The following PIP5K1C variants were observed in gnomAD, a reference collection of about 807,000 sequenced individuals.
PIP5K1C encodes the protein phosphatidylinositol 4-phosphate 5-kinase type-1 gamma.
PIP5K1C carries 45 observed loss-of-function variants against 80.1 expected under a neutral mutation model. That is an observed-to-expected ratio of 0.56 (90% confidence interval 0.44 to 0.72). The LOEUF is 0.72. Ranked by LOEUF, PIP5K1C falls within the 30% of genes least tolerant of loss-of-function variation. The probability of loss-of-function intolerance (pLI) is 0.00; values close to 1 mark genes in which losing one functional copy is unlikely to be tolerated. For missense variants in PIP5K1C, 753 were observed against 954.6 expected, an observed-to-expected ratio of 0.79 and a Z score of 2.78; for synonymous variants, 498 against 420.1, an observed-to-expected ratio of 1.19 and a Z score of -2.27.
At chr19:3,661,184 GCGGCTCAGCTCCA>G in intron 4 of PIP5K1C, 101 bp from the exon 5 acceptor site, 3 of 762,162 alleles carry the variant, frequency 3.9e-6, no homozygotes, top group Non-Finnish European at 6.8e-6. Flanking sequence ...TGAGCCTCTA[GCGGCTCAGCTCCA>G]AGACTTCCTT....
chr19:3,686,595 G>A (rs1035943068), intron 1 of PIP5K1C, among the ~76,000 whole-genome samples: 3 of 151,802 alleles, frequency 2.0e-5, no homozygotes, highest in African/African-American at 7.3e-5. Flanking sequence ...GCGGGCGCCT[G>A]TAATCCCAGC....
chr19:3,647,818 G>A (rs900618422), intron 9 of PIP5K1C, among the ~76,000 whole-genome samples: 3 of 152,182 alleles, frequency 2.0e-5, no homozygotes, highest in Non-Finnish European at 4.4e-5. Flanking sequence ...GTGCTGGCGC[G>A]TGCCAGTAAT....
intron 11 of PIP5K1C, among the ~76,000 whole-genome samples, chr19:3,644,670 G>A (rs541899256): frequency 1.1e-4 from 17 of 152,370 alleles, no homozygotes; most frequent in Middle Eastern, 3.4e-3. Flanking sequence ...AGAGAAGCCT[G>A]TGGCTCAGCA....
At chr19:3,634,801 C>T (rs370544119) in intron 16 of PIP5K1C, among the ~76,000 whole-genome samples, 1 of 152,258 alleles carries the variant, frequency 6.6e-6, no homozygotes, top group African/African-American at 2.4e-5. Context: ...CCACCCTGCC[C>T]GATCCTACAG....
At chr19:3,638,217 G>A (rs2033789184) in intron 16 of PIP5K1C, among the ~76,000 whole-genome samples, 1 of 152,170 alleles carries the variant, frequency 6.6e-6, no homozygotes, top group Non-Finnish European at 1.5e-5. Context: ...GACGCTGCCT[G>A]GACATTCCAG....
chr19:3,632,945 G>A lies in PIP5K1C; in HGVS notation c.*222C>T, dbSNP rs1226948688. ...CAAATGCGATTGGCCGCTCGGGAGG[G>A]TGGGTCTCACAGGGGCAGGCTGCCG... On this transcript the variant is annotated 3_prime_UTR_variant, in exon 18 of 18. Coordinates refer to ENST00000335312, the MANE Select transcript of PIP5K1C (RefSeq NM_012398.3). 1.9e-6 allele frequency: 1 copy of A among 532,230 alleles called. No homozygotes were observed. The highest frequency in any genetic ancestry group is 2.0e-5 in the African/African-American group (1 of 49,782). The allele number at this position is 532,230 out of a possible 1,614,324, so 33.0% of individuals were successfully genotyped here.
Position 3,700,298 on chromosome 19 carries a change from T to A in PIP5K1C, c.93A>T (p.Ala31=). The A allele has an allele frequency of 7.8e-7, 1 of 1,274,006 alleles. No homozygotes were observed. Among genetic ancestry groups the A allele is most frequent in the Non-Finnish European group, 1.0e-6 (1 of 993,310 alleles). The allele number at this position is 1,274,006 out of a possible 1,614,324, so 78.9% of individuals were successfully genotyped here. Reference sequence around the variant, plus strand: ...AGCCCCGGGAGGCCGGGCCGTTACCTGCCGCCGCCCCGCTCTCTGCCGCCC... The same window carrying A: ...AGCCCCGGGAGGCCGGGCCGTTACCAGCCGCCGCCCCGCTCTCTGCCGCCC... ...AAWAAESGAA[A]GLAQKKAAPT... The change falls in exon 1 of 18, where the codon GCA becomes GCT. Residue 31 remains alanine, a splice_region_variant and synonymous_variant. Transcript: ENST00000335312.
chr19:3,656,697 G>A (rs906190070), intron 5 of PIP5K1C, 140 bp from the exon 6 acceptor site: 2 of 995,158 alleles, frequency 2.0e-6, no homozygotes, highest in African/African-American at 3.2e-5. Context: ...GCTCAGAGAG[G>A]GCGAGAGACT....
intron 1 of PIP5K1C, among the ~76,000 whole-genome samples, chr19:3,672,085 T>C (rs533085294): frequency 6.6e-6 from 1 of 152,262 alleles, no homozygotes; most frequent in Non-Finnish European, 1.5e-5. Flanking sequence ...GGGCCTGCGG[T>C]GCACGGCTCT....
At chr19:3,684,713 A>T (rs1289330410) in intron 1 of PIP5K1C, among the ~76,000 whole-genome samples, 1 of 152,206 alleles carries the variant, frequency 6.6e-6, no homozygotes, top group Non-Finnish European at 1.5e-5. Context: ...GAATCCCACC[A>T]CAGACGCACC....
intron 1 of PIP5K1C, among the ~76,000 whole-genome samples, chr19:3,691,885 G>C (rs1301487768): frequency 3.3e-5 from 5 of 152,198 alleles, no homozygotes; most frequent in Non-Finnish European, 5.9e-5. Flanking sequence ...GAGTGGGGAT[G>C]TTTGTTTTAG....
At chr19:3,686,896 A>C (rs1337429407) in intron 1 of PIP5K1C, among the ~76,000 whole-genome samples, 1 of 151,854 alleles carries the variant, frequency 6.6e-6, no homozygotes, top group African/African-American at 2.4e-5. Flanking sequence ...GCAAGCAAAG[A>C]AAAAAACAGA....
In PIP5K1C at chr19:3,653,503, C is replaced by T; in HGVS notation, c.708G>A (p.Val236=). The change falls in exon 7 of 18, where the codon GTG becomes GTA. Residue 236 remains valine, a synonymous_variant. Transcript: ENST00000335312. ...CGCGGGGCAGGATGTTGTTCATGAC[C>T]ACGACGCGGATGTTCTTGCCCCCCG... ...VQSGGKNIRV[V]VMNNILPRVV... is the part of the protein sequence containing the mutation. 1 of 1,613,844 alleles carries T rather than the reference C, an allele frequency of 6.2e-7. No homozygotes were observed. Among genetic ancestry groups the T allele is most frequent in the Non-Finnish European group, 8.5e-7 (1 of 1,180,024 alleles).
chr19:3,675,118 C>T (rs775752895), intron 1 of PIP5K1C, among the ~76,000 whole-genome samples: 5 of 152,078 alleles, frequency 3.3e-5, no homozygotes, highest in South Asian at 2.1e-4. Flanking sequence ...AGCCGCCAGG[C>T]GCAGGGTTTG....
At chr19:3,643,944 C>A in intron 12 of PIP5K1C, 143 bp downstream of exon 12, 2 of 996,268 alleles carry the variant, frequency 2.0e-6, no homozygotes, top group Admixed American at 2.3e-5. Context: ...CCAGCAGCCC[C>A]CACTCCCTGG....
At chr19:3,653,616 GAGGGCGGCTGGGCCAC>G (rs751979369) in intron 6 of PIP5K1C, 27 bp from the exon 7 acceptor site, 1 of 1,592,588 alleles carries the variant, frequency 6.3e-7, no homozygotes, top group Non-Finnish European at 8.6e-7. Context: ...GCAAGTCGTG[GAGGGCGGCTGGGCCAC>G]AGACTCACGG....
chr19:3,667,161 T>G (rs1439335302), intron 2 of PIP5K1C, among the ~76,000 whole-genome samples, 161 bp downstream of exon 2: 1 of 152,192 alleles, frequency 6.6e-6, no homozygotes, highest in African/African-American at 2.4e-5. Context: ...CAAGACGCAG[T>G]TGGTGTAGAC....
At position 3,634,702 on chromosome 19, in the gene PIP5K1C, G is replaced by A. The variant is rs562144072; in HGVS notation, c.1921-1182C>T. Among the ~76,000 whole-genome samples, 5 of 152,350 alleles carry A rather than the reference G, an allele frequency of 3.3e-5. No homozygotes were observed. The South Asian group carries it at 6.2e-4, about 19-fold the overall frequency. On this transcript the variant is annotated intron_variant, in intron 16 of 17. Transcript: ENST00000335312. ...GGGGCCTCCCTTGTGCTCCAGGTGA[G>A]CCCAGACCTCACCTGCAGGAGCACT...
At chr19:3,645,343 C>T (rs1172970255) in intron 11 of PIP5K1C, among the ~76,000 whole-genome samples, 2 of 152,226 alleles carry the variant, frequency 1.3e-5, no homozygotes, top group African/African-American at 4.8e-5. Flanking sequence ...CATCTGGCAG[C>T]AGGTTGGCCA....
Sources: allele counts gnomAD v4.1 joint callset (sites outside exome capture counted in the v4.1 genomes callset), GRCh38; gene constraint gnomAD v4.1.1; transcripts MANE v1.5; gene names NCBI Gene and HGNC (gene_info 2026-07-23, HGNC 2026-07-21).